WWOX: variants seen among roughly 807,000 people sequenced by gnomAD.
The protein encoded by WWOX is WW domain containing oxidoreductase.
A neutral mutation model predicts 46.2 loss-of-function variants in WWOX; 69 were observed. That is an observed-to-expected ratio of 1.49 (90% CI 1.23 to 1.82). The LOEUF (loss-of-function observed/expected upper bound fraction) is 1.82, where lower values mean the gene tolerates loss of function less well. Among genes scored for constraint, WWOX ranks in the 40% most tolerant of loss-of-function variants. The pLI is 0.00. For synonymous variants in WWOX, 359 were observed against 202.6 expected, an observed-to-expected ratio of 1.77 and a Z score of -6.56; for missense variants, 919 against 542.6, an observed-to-expected ratio of 1.69 and a Z score of -6.89.
intron 5 of WWOX, among the ~76,000 whole-genome samples, chr16:78,177,329 G>A (rs1397682195): frequency 6.6e-6 from 1 of 152,152 alleles, no homozygotes; most frequent in Non-Finnish European, 1.5e-5. Context: ...TGGTAGAGTG[G>A]GTGACACAAG....
chr16:78,449,277 C>G (rs2083633832), intron 8 of WWOX, among the ~76,000 whole-genome samples: 1 of 152,148 alleles, frequency 6.6e-6, no homozygotes, highest in Admixed American at 6.5e-5. Context: ...AAATGAAAGT[C>G]ACAGTTCTTT....
Position 78,444,511 on chromosome 16 carries a change from G to C in WWOX, c.1056+11759G>C, listed in dbSNP as rs566677798. 1.7e-4 allele frequency among the ~76,000 whole-genome samples: 25 copies of C among 151,282 alleles called. No homozygotes were observed. The South Asian group carries it at 3.6e-3, about 22-fold the overall frequency. On this transcript the variant is annotated intron_variant, in intron 8 of 8. Coordinates refer to ENST00000566780, the MANE Select transcript of WWOX (RefSeq NM_016373.4). ...TGTCAGAAATTATAGGAAGGATACAGTTATGGGATGAGGAGCAATTCTTTT... is the reference window on the plus strand; with the variant it reads ...TGTCAGAAATTATAGGAAGGATACACTTATGGGATGAGGAGCAATTCTTTT...
rs770522308 is a variant in WWOX at position 79,030,933 on chromosome 16, A to G, written c.1057-180675A>G. On this transcript the variant is annotated intron_variant, in intron 8 of 8. Transcript: ENST00000566780. ...CCCCTGTCTCTACAAAAAGTAAAAA[A>G]TAAAATAAATTGGCTGGGTATGGTG... Among the ~76,000 whole-genome samples, 5 of 152,142 alleles carry G rather than the reference A, an allele frequency of 3.3e-5. No homozygotes were observed. The East Asian group carries it at 9.7e-4, about 30-fold the overall frequency.
At chr16:78,290,924 C>CA (rs2079848186) in intron 5 of WWOX, among the ~76,000 whole-genome samples, 1 of 152,032 alleles carries the variant, frequency 6.6e-6, no homozygotes, top group East Asian at 1.9e-4. Flanking sequence ...TGCTTAAATT[C>CA]CTGTAAGACT....
At chr16:78,918,676 A>G (rs562990985) in intron 8 of WWOX, among the ~76,000 whole-genome samples, 2 of 152,292 alleles carry the variant, frequency 1.3e-5, no homozygotes, top group East Asian at 3.9e-4. Flanking sequence ...TCCATCCTGA[A>G]AGCACTGCAT....
chr16:78,651,741 G>C (rs2046970237), intron 8 of WWOX, among the ~76,000 whole-genome samples: 1 of 152,188 alleles, frequency 6.6e-6, no homozygotes, highest in East Asian at 1.9e-4. Context: ...CCAAATCTTT[G>C]ATGAAGAACC....
At chr16:78,949,631 C>T (rs910044427) in intron 8 of WWOX, among the ~76,000 whole-genome samples, 4 of 152,154 alleles carry the variant, frequency 2.6e-5, no homozygotes, top group African/African-American at 9.7e-5. Context: ...TCTTTTAATC[C>T]ACCTCTCCAA....
At chr16:78,440,809 G>T (rs1280326559) in intron 8 of WWOX, among the ~76,000 whole-genome samples, 3 of 151,978 alleles carry the variant, frequency 2.0e-5, no homozygotes, top group Non-Finnish European at 2.9e-5. Context: ...AGTAGAAGCG[G>T]GGTTTCAACA....
chr16:78,436,740 G>C (rs1171036421), intron 8 of WWOX, among the ~76,000 whole-genome samples: 2 of 152,192 alleles, frequency 1.3e-5, no homozygotes, highest in African/African-American at 4.8e-5. Context: ...GAATCACTGT[G>C]AATGTAGACC....
chr16:78,621,075 C>G (rs934266040), intron 8 of WWOX, among the ~76,000 whole-genome samples: 1 of 152,166 alleles, frequency 6.6e-6, no homozygotes, highest in Non-Finnish European at 1.5e-5. Flanking sequence ...CCTTTCTCTT[C>G]TCCTGCTGCC....
intron 5 of WWOX, among the ~76,000 whole-genome samples, chr16:78,203,495 A>T (rs1597347949): frequency 6.6e-6 from 1 of 152,212 alleles, no homozygotes; most frequent in Non-Finnish European, 1.5e-5. Context: ...CTGTGTCTTT[A>T]TGGGGAGATA....
intron 8 of WWOX, among the ~76,000 whole-genome samples, chr16:78,612,582 C>G (rs1424360576): frequency 1.3e-5 from 2 of 152,222 alleles, no homozygotes; most frequent in East Asian, 1.9e-4. Context: ...CTCAAGCATT[C>G]CTCCCACATC....
chr16:79,046,163 A>G (rs1163169157), intron 8 of WWOX, among the ~76,000 whole-genome samples: 1 of 152,150 alleles, frequency 6.6e-6, no homozygotes, highest in Non-Finnish European at 1.5e-5. Context: ...TGCTCAGCAC[A>G]TGTTCATTGC....
chr16:78,594,487 G>T (rs754593644), intron 8 of WWOX, among the ~76,000 whole-genome samples: 1 of 125,766 alleles, frequency 8.0e-6, no homozygotes, highest in African/African-American at 3.0e-5. Flanking sequence ...TTGCCAGCTG[G>T]CACACAGCTT....
intron 5 of WWOX, among the ~76,000 whole-genome samples, chr16:78,248,092 C>G (rs951187237): frequency 1.3e-5 from 2 of 152,178 alleles, no homozygotes; most frequent in African/African-American, 2.4e-5. Context: ...CATTCTTGCA[C>G]TGCTATAAAG....
At chr16:78,335,552 C>G (rs1325731897) in intron 5 of WWOX, among the ~76,000 whole-genome samples, 3 of 152,094 alleles carry the variant, frequency 2.0e-5, no homozygotes, top group Admixed American at 2.0e-4. Context: ...ATTCCGTGTC[C>G]TTGCTATTGT....
chr16:78,243,905 G>A (rs1315155599), intron 5 of WWOX, among the ~76,000 whole-genome samples: 1 of 152,174 alleles, frequency 6.6e-6, no homozygotes, highest in Non-Finnish European at 1.5e-5. Context: ...TTACAAATGA[G>A]AACATGTGGT....
chr16:79,129,403 C>G (rs1369078267), intron 8 of WWOX, among the ~76,000 whole-genome samples: 3 of 147,556 alleles, frequency 2.0e-5, no homozygotes, highest in East Asian at 2.0e-4. Context: ...ATGGAACGAT[C>G]TTGATGTATC....
At chr16:78,637,805 T>C (rs938374153) in intron 8 of WWOX, among the ~76,000 whole-genome samples, 1 of 152,146 alleles carries the variant, frequency 6.6e-6, no homozygotes, top group Non-Finnish European at 1.5e-5. Flanking sequence ...CTGGGTAACA[T>C]TGTCCCAGGC....
Sources: allele counts gnomAD v4.1 joint callset (sites outside exome capture counted in the v4.1 genomes callset), GRCh38; gene constraint gnomAD v4.1.1; transcripts MANE v1.5; gene names NCBI Gene and HGNC (gene_info 2026-07-23, HGNC 2026-07-21).